The following SLC4A10 variants were observed in gnomAD, a reference collection of about 807,000 sequenced individuals.
The protein encoded by SLC4A10 is sodium-driven chloride bicarbonate exchanger.
SLC4A10 carries 42 observed loss-of-function variants against 137.7 expected under a neutral mutation model. The ratio of observed to expected loss-of-function variants is 0.30; its 90% CI spans 0.24 to 0.39. The LOEUF (loss-of-function observed/expected upper bound fraction) is 0.39. SLC4A10 is among the 10% of genes least tolerant of loss of function. SLC4A10 has a pLI of 1.00. For synonymous variants in SLC4A10, 474 were observed against 464.1 expected, an observed-to-expected ratio of 1.02 and a Z score of -0.27; for missense variants, 925 against 1,355.0, an observed-to-expected ratio of 0.68 and a Z score of 4.98.
intron 1 of SLC4A10, among the ~76,000 whole-genome samples, chr2:161,733,266 T>C (rs1026875261): frequency 2.0e-5 from 3 of 152,144 alleles, no homozygotes; most frequent in Admixed American, 6.5e-5. Flanking sequence ...TTTCGTGGGC[T>C]GTCCCAGGGT....
chr2:161,740,842 C>T (rs2047806715), intron 1 of SLC4A10, among the ~76,000 whole-genome samples: 1 of 152,090 alleles, frequency 6.6e-6, no homozygotes, highest in Non-Finnish European at 1.5e-5. Context: ...TTTAGGTGCC[C>T]AGTCAGGGAC....
intron 19 of SLC4A10, among the ~76,000 whole-genome samples, chr2:161,955,508 T>C (rs113385630): frequency 2.0e-5 from 3 of 152,214 alleles, no homozygotes; most frequent in African/African-American, 7.2e-5. Context: ...GCTGAATCAA[T>C]GAAGGGTACC....
At chr2:161,870,761 C>T (rs1046084612) in intron 6 of SLC4A10, among the ~76,000 whole-genome samples, 2 of 151,838 alleles carry the variant, frequency 1.3e-5, no homozygotes, top group Non-Finnish European at 3.0e-5. Context: ...ATTTATGTAG[C>T]TTGTGTGACA....
At chr2:161,911,783 T>C (rs534170749) in intron 15 of SLC4A10, among the ~76,000 whole-genome samples, 1 of 152,242 alleles carries the variant, frequency 6.6e-6, no homozygotes, top group East Asian at 1.9e-4. Context: ...CTGAAAATGC[T>C]TCTCACAACT....
chr2:161,959,327 T>A (rs181077463), intron 21 of SLC4A10, among the ~76,000 whole-genome samples: 3 of 152,376 alleles, frequency 2.0e-5, no homozygotes, highest in African/African-American at 7.2e-5. Context: ...AATAAATATT[T>A]TAGGCATGAA....
At chr2:161,948,430 T>TC (rs1430265685) in intron 17 of SLC4A10, among the ~76,000 whole-genome samples, 1 of 152,154 alleles carries the variant, frequency 6.6e-6, no homozygotes, top group Non-Finnish European at 1.5e-5. Flanking sequence ...TTCATTTATT[T>TC]CCCCAAAAAT....
chr2:161,783,358 G>A (rs2053263919), intron 2 of SLC4A10, among the ~76,000 whole-genome samples: 1 of 151,804 alleles, frequency 6.6e-6, no homozygotes, highest in African/African-American at 2.4e-5. Context: ...TACAAAAAAT[G>A]CTAAGGGAAC....
chr2:161,823,815 A>T (rs1000362407), intron 3 of SLC4A10, among the ~76,000 whole-genome samples: 3 of 152,234 alleles, frequency 2.0e-5, no homozygotes, highest in African/African-American at 7.2e-5. Flanking sequence ...CTGGGGGGAA[A>T]ATGCCACAAA....
intron 1 of SLC4A10, among the ~76,000 whole-genome samples, chr2:161,653,316 G>T (rs1225898994): frequency 6.6e-6 from 1 of 152,162 alleles, no homozygotes; most frequent in Non-Finnish European, 1.5e-5. Flanking sequence ...AACATAGTGT[G>T]CATGTGTCTT....
At chr2:161,950,620 A>G (rs182442044) in intron 18 of SLC4A10, 67 bp from the exon 19 acceptor site, 2 of 1,478,014 alleles carry the variant, frequency 1.4e-6, no homozygotes, top group Non-Finnish European at 1.8e-6. Flanking sequence ...TAGCATCTGT[A>G]AGACCTAATT....
At chr2:161,659,006 G>T (rs1042505725) in intron 1 of SLC4A10, among the ~76,000 whole-genome samples, 7 of 151,938 alleles carry the variant, frequency 4.6e-5, no homozygotes, top group African/African-American at 1.7e-4. Flanking sequence ...ATTTCTCAAA[G>T]AATTAAAACT....
chr2:161,974,256 A>G lies in SLC4A10; in HGVS notation c.3167A>G (p.Gln1056Arg), dbSNP rs779430605. 3.1e-6 allele frequency: 5 copies of G among 1,605,920 alleles called. No homozygotes were observed. The South Asian group carries it at 5.6e-5, about 18-fold the overall frequency. ...KLEDAEKEEE[Q>R]SMLAMEDEGT... is the part of the protein sequence containing the mutation. ...TTACATTTGTCTTTTCAGGAAGAAC[A>G]AAGTATGCTAGCTATGGAAGATGAG... The change falls in exon 24 of 27, where the codon CAA becomes CGA. Residue 1056 changes from glutamine (Q) to arginine (R), a missense_variant. Gln to Arg is a conservative substitution (Grantham distance 43). Coordinates refer to ENST00000446997, the MANE Select transcript of SLC4A10 (RefSeq NM_001178015.2).
intron 8 of SLC4A10, 22 bp downstream of exon 8, chr2:161,874,027 A>G (rs892030802): frequency 6.4e-7 from 1 of 1,567,956 alleles, no homozygotes; most frequent in African/African-American, 1.3e-5. Flanking sequence ...CTCGGGCTCT[A>G]TTTCTACAGT....
intron 1 of SLC4A10, among the ~76,000 whole-genome samples, chr2:161,755,201 T>C (rs2049477673): frequency 6.6e-6 from 1 of 152,206 alleles, no homozygotes; most frequent in Non-Finnish European, 1.5e-5. Flanking sequence ...TTCCAGATCT[T>C]TCCTCTAATT....
intron 3 of SLC4A10, among the ~76,000 whole-genome samples, chr2:161,814,795 T>C (rs2056893579): frequency 6.6e-6 from 1 of 151,608 alleles, no homozygotes; most frequent in African/African-American, 2.4e-5. Flanking sequence ...GGAACTAGGG[T>C]TAAAAAAGTA....
chr2:161,697,972 T>C (rs2042722408), intron 1 of SLC4A10, among the ~76,000 whole-genome samples: 1 of 152,260 alleles, frequency 6.6e-6, no homozygotes, highest in African/African-American at 2.4e-5. Flanking sequence ...TTGTGTCCTC[T>C]TTTATTTCAT....
intron 23 of SLC4A10, among the ~76,000 whole-genome samples, chr2:161,965,587 C>T (rs905692497): frequency 6.6e-6 from 1 of 152,064 alleles, no homozygotes; most frequent in African/African-American, 2.4e-5. Flanking sequence ...TCCTAGGGAA[C>T]AGAGTTTTAA....
rs559856062 is a variant in SLC4A10, at chr2:161,652,155, C to A, written c.48+27589C>A. On this transcript the variant is annotated intron_variant, in intron 1 of 26. Transcript: ENST00000446997. Reference sequence around the variant, plus strand: ...ACTCAGGGGAGGGGAAGCTCCACCTCCAGGAAGAGAGGAGGTACCTATGTA... The same window carrying A: ...ACTCAGGGGAGGGGAAGCTCCACCTACAGGAAGAGAGGAGGTACCTATGTA... 2.4e-4 allele frequency among the ~76,000 whole-genome samples: 37 copies of A among 152,280 alleles called. No individual in the cohort carries two copies. The South Asian group carries it at 7.5e-3, about 31-fold the overall frequency.
At chr2:161,805,321 A>G (rs936905108) in intron 3 of SLC4A10, among the ~76,000 whole-genome samples, 2 of 152,106 alleles carry the variant, frequency 1.3e-5, no homozygotes, top group Non-Finnish European at 2.9e-5. Flanking sequence ...CAGCCAAACC[A>G]TATCGTTCCA....
Sources: allele counts gnomAD v4.1 joint callset (sites outside exome capture counted in the v4.1 genomes callset), GRCh38; gene constraint gnomAD v4.1.1; transcripts MANE v1.5; gene names NCBI Gene and HGNC (gene_info 2026-07-23, HGNC 2026-07-21).